The following NEB variants were observed in gnomAD, a reference collection of about 807,000 sequenced individuals.
NEB encodes nebulin, also known as nemaline myopathy type 2.
NEB carries 512 observed loss-of-function variants against 952.2 expected under a neutral mutation model. The ratio of observed to expected loss-of-function variants is 0.54; its 90% CI spans 0.50 to 0.58. The LOEUF (loss-of-function observed/expected upper bound fraction) is 0.58, where lower values mean the gene tolerates loss of function less well. Among genes scored for constraint, NEB ranks in the 20% least tolerant of loss-of-function variants. The pLI is 0.00. For missense variants in NEB, 8,428 were observed against 9,231.1 expected, an observed-to-expected ratio of 0.91 and a Z score of 3.56; for synonymous variants, 2,900 against 3,149.8, an observed-to-expected ratio of 0.92 and a Z score of 2.66.
At chr2:151,720,218 A>T (rs2099770516) in intron 9 of NEB, among the ~76,000 whole-genome samples, 1 of 152,184 alleles carries the variant, frequency 6.6e-6, no homozygotes, top group East Asian at 1.9e-4. Flanking sequence ...CTTAGTTAAT[A>T]AGGAAAACAT....
intron 165 of NEB, among the ~76,000 whole-genome samples, chr2:151,503,797 T>C (rs1322236532): frequency 1.3e-5 from 2 of 152,168 alleles, no homozygotes; most frequent in East Asian, 1.9e-4. Flanking sequence ...ACTTAATGAA[T>C]AGATTGCTTG....
At chr2:151,620,868 C>G in intron 72 of NEB, 51 bp downstream of exon 72, 2 of 1,375,870 alleles carry the variant, frequency 1.5e-6, no homozygotes, top group East Asian at 4.8e-5. Flanking sequence ...CAGCTGTATT[C>G]TGTGTGGCTG....
rs918420247 is a variant in NEB at position 151,717,653 on chromosome 2, T to C, written c.718-133A>G. The C allele has an allele frequency of 5.8e-6, 4 of 684,574 alleles. No individual in the cohort carries two copies. The African/African-American group carries it at 7.2e-5, about 12-fold the overall frequency. The allele number at this position is 684,574 out of a possible 1,614,324, so 42.4% of individuals were successfully genotyped here. On this transcript the variant is annotated intron_variant, in intron 9 of 181. Transcript: ENST00000397345. The stretch of plus-strand genomic sequence containing the variant: ...ATACCATTGCTCTCAGTACTGCTAG[T>C]GATTTCTATTTTGCTGAATTTTCTT...
At position 151,724,498 on chromosome 2, in the gene NEB, T is replaced by C. The variant is rs1407941687; in HGVS notation, c.508-134A>G. 4 of 684,158 alleles carry C rather than the reference T, an allele frequency of 5.8e-6. No individual in the cohort carries two copies. The African/African-American group carries it at 7.2e-5, about 12-fold the overall frequency. 42.4% of individuals were successfully genotyped at this position (684,158 alleles called of 1,614,324 possible). ...TGGGTTACTAGGAAAACATTGACCATGCCAACATCCTATAATACTTTTCCT... is the reference window on the plus strand; with the variant it reads ...TGGGTTACTAGGAAAACATTGACCACGCCAACATCCTATAATACTTTTCCT... On this transcript the variant is annotated intron_variant, in intron 7 of 181. Transcript: ENST00000397345.
In NEB at chr2:151,607,541, A is replaced by G; in HGVS notation, c.12602T>C (p.Met4201Thr). ...NITIPSDTPE[M>T]LQAHINALQI... ...CAAGGCATTGATGTGGGCCTGCAGCATCTCCGGAGTATCAGAAGGAATGGT... is the reference window on the plus strand; with the variant it reads ...CAAGGCATTGATGTGGGCCTGCAGCGTCTCCGGAGTATCAGAAGGAATGGT... Residue 4201 changes from methionine (M) to threonine (T), a missense_variant, in exon 83 of 182, where the codon ATG (methionine) becomes ACG (threonine). Coordinates refer to ENST00000397345, the MANE Select transcript of NEB (RefSeq NM_001164508.2). 1.5e-6 allele frequency: 1 copy of G among 684,484 alleles called. No homozygotes were observed. The highest frequency in any genetic ancestry group is 2.3e-6 in the Non-Finnish European group (1 of 441,090). 42.4% of individuals were successfully genotyped at this position (684,484 alleles called of 1,614,324 possible).
intron 63 of NEB, among the ~76,000 whole-genome samples, chr2:151,637,935 C>A (rs1318829751): frequency 2.0e-5 from 3 of 152,156 alleles, no homozygotes; most frequent in Admixed American, 6.5e-5. Context: ...CTAAATTATG[C>A]TCTGTGTGTT....
intron 170 of NEB, chr2:151,497,968 T>C: frequency 7.0e-7 from 1 of 1,437,212 alleles, no homozygotes. Flanking sequence ...TTTTTGTGAG[T>C]ACGGTGCCTC....
In NEB at chr2:151,516,521, T is replaced by A; in HGVS notation, c.22843A>T (p.Met7615Leu). ...TACGTTGGTGTTTCAAAGTCCAGCATGGGTTTTCCTCGTTCCTTTTCATAC... is the reference window on the plus strand; with the variant it reads ...TACGTTGGTGTTTCAAAGTCCAGCAAGGGTTTTCCTCGTTCCTTTTCATAC... ...EKYEKERGKP[M>L]LDFETPTYIT... Residue 7615 changes from methionine to leucine, a missense_variant, in exon 157 of 182, where the codon ATG becomes TTG. By Grantham distance (15) the Met-to-Leu change is conservative. This residue lies in a region of NEB where 3,374 missense variants were observed against 3,651.5 expected (regional missense o/e 0.92). Transcript: ENST00000397345. 1.2e-6 allele frequency: 2 copies of A among 1,613,480 alleles called. No homozygotes were observed. Among genetic ancestry groups the A allele is most frequent in the Non-Finnish European group, 1.7e-6 (2 of 1,179,572 alleles).
chr2:151,526,027 G>C lies in NEB; in HGVS notation c.22092C>G (p.Gly7364=). Residue 7364 remains glycine, a synonymous_variant, in exon 150 of 182, where the codon GGC becomes GGG. Transcript: ENST00000397345. ...KDHVKKHLAQ[G]SYTTLPETRD... is the part of the protein sequence containing the mutation. ...GGGTCTCTGGTAGTGTTGTGTATGAGCCCTGTGCCAAGTGCTTCTTGACAT... is the reference window on the plus strand; with the variant it reads ...GGGTCTCTGGTAGTGTTGTGTATGACCCCTGTGCCAAGTGCTTCTTGACAT... 1.9e-6 allele frequency: 3 copies of C among 1,613,992 alleles called. No individual in the cohort carries two copies. The highest frequency in any genetic ancestry group is 3.3e-4 in the Middle Eastern group (2 of 6,062).
chr2:151,572,147 C>A lies in NEB; in HGVS notation c.17014-1546G>T, dbSNP rs578091424. Among the ~76,000 whole-genome samples the A allele has an allele frequency of 2.6e-5, 4 of 152,254 alleles. No individual in the cohort carries two copies. In the East Asian group the frequency reaches 7.7e-4, roughly 29 times the overall value. ...GACCAGCCTAGCCAACATGGTGAAA[C>A]CTTGTCTCTATTAAAAATACACAAA... On this transcript the variant is annotated intron_variant, in intron 107 of 181. Coordinates refer to ENST00000397345, the MANE Select transcript of NEB (RefSeq NM_001164508.2).
chr2:151,553,990 C>T lies in NEB; in HGVS notation c.19464G>A (p.Met6488Ile). The T allele has an allele frequency of 6.2e-7, 1 of 1,613,834 alleles. No homozygotes were observed. Reference sequence around the variant, plus strand: ...CCATGTCGGGCACGATGTGGATTTTCATCTTGTTCTTTTCATAAACTGATC... The same window carrying T: ...CCATGTCGGGCACGATGTGGATTTTTATCTTGTTCTTTTCATAAACTGATC... ...LYRSVYEKNK[M>I]KIHIVPDMVE... Residue 6488 changes from methionine to isoleucine, a missense_variant, in exon 126 of 182, where the codon ATG becomes ATA. Physicochemically the swap from Met to Ile is conservative, Grantham distance 10 (BLOSUM62 1). This residue lies in a region of NEB where 3,374 missense variants were observed against 3,651.5 expected (regional missense o/e 0.92). Transcript: ENST00000397345.
chr2:151,683,095 C>A (rs184019514), intron 28 of NEB, among the ~76,000 whole-genome samples: 1 of 152,112 alleles, frequency 6.6e-6, no homozygotes, highest in South Asian at 2.1e-4. Context: ...AAATGTGAGA[C>A]GTTTGTTCCC....
intron 36 of NEB, among the ~76,000 whole-genome samples, chr2:151,674,068 T>C (rs2099333497): frequency 1.3e-5 from 2 of 152,336 alleles, no homozygotes; most frequent in Middle Eastern, 6.8e-3. Context: ...AAGTGGACTT[T>C]TCCCTCTTTG....
chr2:151,723,750 G>GGTTTTTTT (rs1553685530), intron 8 of NEB, among the ~76,000 whole-genome samples: 11 of 51,354 alleles, frequency 2.1e-4, no homozygotes, highest in East Asian at 7.5e-4. Context: ...TGCCTTCTTT[G>GGTTTTTTT]TTTTTTTTTT....
chr2:151,546,093 G>T, intron 134 of NEB, 95 bp from the exon 135 acceptor site: 1 of 890,370 alleles, frequency 1.1e-6, no homozygotes, highest in Non-Finnish European at 1.7e-6. Flanking sequence ...TGTGTAAGCT[G>T]AGCAGGGCTT....
chr2:151,624,725 T>C (rs1285897468), intron 71 of NEB, among the ~76,000 whole-genome samples: 1 of 152,070 alleles, frequency 6.6e-6, no homozygotes, highest in African/African-American at 2.4e-5. Context: ...CCTTCCTTTT[T>C]CTCTAAAAAA....
Position 151,533,457 on chromosome 2 carries a change from C to T in NEB, c.21402G>A (p.Ser7134=), listed in dbSNP as rs1042514269. The part of the protein sequence containing the change: ...RPDMLTALYN[S]HMWSQIKYRK... ...CAGACATTACCTGGCTCCACATATG[C>T]GAATTGTAGAGAGCAGTCAACATAT... The change falls in exon 143 of 182, where the codon TCG becomes TCA. Residue 7134 remains serine (S), a synonymous_variant. Coordinates refer to ENST00000397345, the MANE Select transcript of NEB (RefSeq NM_001164508.2). 18 of 1,549,976 alleles carry T rather than the reference C, an allele frequency of 1.2e-5. No individual in the cohort carries two copies. The highest frequency in any genetic ancestry group is 2.4e-5 in the South Asian group (2 of 84,004).
chr2:151,690,936 T>C (rs2099544391), intron 23 of NEB, 111 bp from the exon 24 acceptor site: 3 of 758,942 alleles, frequency 4.0e-6, no homozygotes, highest in Non-Finnish European at 6.8e-6. Flanking sequence ...TCCTGAAAAC[T>C]TAGTTGATGC....
intron 63 of NEB, 128 bp downstream of exon 63, chr2:151,639,152 C>A: frequency 1.5e-6 from 1 of 669,840 alleles, no homozygotes; most frequent in Non-Finnish European, 2.4e-6. Context: ...TTGAGAAATG[C>A]AAGAGTTGTT....
Sources: allele counts gnomAD v4.1 joint callset (sites outside exome capture counted in the v4.1 genomes callset), GRCh38; gene constraint gnomAD v4.1.1; regional missense constraint gnomAD v4.1.1; transcripts MANE v1.5; gene names NCBI Gene and HGNC (gene_info 2026-07-23, HGNC 2026-07-21).